ALPK2: variants seen among roughly 807,000 people sequenced by gnomAD.
ALPK2 encodes the protein alpha kinase 2.
Under a neutral mutation model 163.1 loss-of-function variants are expected in ALPK2, and 127 were observed. The observed-to-expected ratio is 0.78, with a 90% CI of 0.67 to 0.90. The LOEUF (loss-of-function observed/expected upper bound fraction) is 0.90. ALPK2 is among the 40% of genes least tolerant of loss of function. ALPK2 has a pLI of 0.00. For missense variants in ALPK2, 2,360 were observed against 2,589.6 expected (o/e 0.91, Z 1.92); for synonymous variants, 953 against 959.1 (o/e 0.99, Z 0.12).
intron 5 of ALPK2, 141 bp downstream of exon 5, chr18:58,534,693 G>T: frequency 9.0e-7 from 1 of 1,114,348 alleles, no homozygotes; most frequent in Non-Finnish European, 1.3e-6. Flanking sequence ...ACATGCTGAA[G>T]CCACTTGGCC....
At chr18:58,484,200 T>C (rs568366704) in intron 12 of ALPK2, among the ~76,000 whole-genome samples, 15 of 152,324 alleles carry the variant, frequency 9.8e-5, no homozygotes, top group African/African-American at 3.6e-4. Context: ...TATTTTTGTG[T>C]TGACCTGTAT....
chr18:58,505,016 T>C (rs1022220174), intron 10 of ALPK2, among the ~76,000 whole-genome samples: 2 of 152,098 alleles, frequency 1.3e-5, no homozygotes, highest in Admixed American at 6.5e-5. Flanking sequence ...AAGTCAGGCC[T>C]TGGGGGACCT....
At chr18:58,597,895 C>T (rs2052049043) in intron 3 of ALPK2, among the ~76,000 whole-genome samples, 1 of 152,222 alleles carries the variant, frequency 6.6e-6, no homozygotes, top group Admixed American at 6.5e-5. Context: ...AGAGAGCTTG[C>T]ACTCTCTCTC....
rs1568091183 is a variant in ALPK2, at chr18:58,578,756, A to ACACG, written c.1962+57_1962+58insCGTG. 4.0e-4 allele frequency: 501 copies of ACACG among 1,243,290 alleles called. 2 individuals carry two copies. In the African/African-American group the frequency reaches 7.5e-3, roughly 19 times the overall value. 77.0% of individuals were successfully genotyped at this position (1,243,290 alleles called of 1,614,324 possible). A position where few individuals can be genotyped will look rare whatever the true frequency, so the allele number is the denominator to read the frequency against. On this transcript the variant is annotated intron_variant, in intron 4 of 12. Transcript: ENST00000361673. ...GAGACACACACACACACACACACACACACACACACACACACGGTTCTTTTT... is the reference window on the plus strand; with the variant it reads ...GAGACACACACACACACACACACACACACGCACACACACACACACGGTTCTTTTT...
At chr18:58,518,552 A>G (rs530196352) in intron 8 of ALPK2, among the ~76,000 whole-genome samples, 197 of 152,320 alleles carry the variant, frequency 1.3e-3, no homozygotes, top group Middle Eastern at 3.4e-3. Context: ...GGTAATTAAG[A>G]AGAAGCAGAG....
intron 3 of ALPK2, among the ~76,000 whole-genome samples, chr18:58,604,538 G>C (rs1159834784): frequency 6.6e-6 from 1 of 152,110 alleles, no homozygotes; most frequent in Admixed American, 6.5e-5. Context: ...TGATACTAAC[G>C]GGCAGCTAGA....
intron 1 of ALPK2, among the ~76,000 whole-genome samples, chr18:58,614,700 A>C (rs1367741581): frequency 6.6e-6 from 1 of 151,650 alleles, no homozygotes; most frequent in Non-Finnish European, 1.5e-5. Flanking sequence ...TGGGGACTAG[A>C]GGCTTGAGCC....
At chr18:58,604,251 A>G (rs994878701) in intron 3 of ALPK2, among the ~76,000 whole-genome samples, 2 of 152,198 alleles carry the variant, frequency 1.3e-5, no homozygotes, top group African/African-American at 4.8e-5. Context: ...TTGGGCTATG[A>G]GCTAATCCAG....
chr18:58,520,004 G>A (rs970063924), intron 8 of ALPK2, among the ~76,000 whole-genome samples: 2 of 152,200 alleles, frequency 1.3e-5, no homozygotes, highest in African/African-American at 2.4e-5. Flanking sequence ...GGAAAAGCAC[G>A]AGTGTAGCAC....
chr18:58,547,913 TAGTC>T (rs755103521), intron 4 of ALPK2, among the ~76,000 whole-genome samples: 34 of 152,332 alleles, frequency 2.2e-4, no homozygotes, highest in African/African-American at 6.3e-4. Context: ...AATTAATTCT[TAGTC>T]AGGTTCTAGG....
At chr18:58,512,915 GTGTGA>G (rs2051499913) in intron 10 of ALPK2, among the ~76,000 whole-genome samples, 1 of 97,060 alleles carries the variant, frequency 1.0e-5, no homozygotes, top group African/African-American at 3.1e-5. Context: ...TGTGGTGTAT[GTGTGA>G]TGTGTGGGGT....
chr18:58,597,217 G>C (rs1251254653), intron 3 of ALPK2, among the ~76,000 whole-genome samples: 1 of 152,140 alleles, frequency 6.6e-6, no homozygotes, highest in South Asian at 2.1e-4. Context: ...TTGAACCTGG[G>C]AGGTGGAGGT....
At chr18:58,574,438 CAAAAA>C (rs34107333) in intron 4 of ALPK2, among the ~76,000 whole-genome samples, 2 of 49,418 alleles carry the variant, frequency 4.0e-5, no homozygotes, top group Admixed American at 4.7e-4. Context: ...GACTCCATCT[CAAAAA>C]AAAAAAAAAA....
At chr18:58,596,129 G>T (rs531769027) in intron 3 of ALPK2, among the ~76,000 whole-genome samples, 479 of 152,262 alleles carry the variant, frequency 3.1e-3, no homozygotes, top group African/African-American at 0.011. Context: ...AAAATGAATT[G>T]CTGGACCCAG....
At chr18:58,534,315 A>C (rs1353676569) in intron 5 of ALPK2, among the ~76,000 whole-genome samples, 1 of 152,182 alleles carries the variant, frequency 6.6e-6, no homozygotes, top group Non-Finnish European at 1.5e-5. Context: ...AGAAAAAACC[A>C]AGGTTCAAGG....
Position 58,579,181 on chromosome 18 carries a change from C to A in ALPK2, c.1595G>T (p.Arg532Met). The A allele has an allele frequency of 6.2e-7, 1 of 1,614,126 alleles. No individual in the cohort carries two copies. The highest frequency in any genetic ancestry group is 1.7e-5 in the Admixed American group (1 of 60,008). Residue 532 changes from arginine (R) to methionine (M), a missense_variant, in exon 4 of 13, where the codon AGG becomes ATG. By Grantham distance (91) the Arg-to-Met change is moderately conservative. Transcript: ENST00000361673. ...CGGCTGCCTCACCCTGGCAGATTTC[C>A]TTGAACCCCTCTTGCTCCATAAGTC... The part of the protein sequence containing the change: ...GKDLWSKRGS[R>M]KSARVRQPGM...
At chr18:58,542,440 C>T (rs569265946) in intron 4 of ALPK2, among the ~76,000 whole-genome samples, 6 of 152,226 alleles carry the variant, frequency 3.9e-5, no homozygotes, top group South Asian at 2.1e-4. Flanking sequence ...TCATCTGATC[C>T]GTAAAATAAA....
rs147868021 is a variant in ALPK2 at position 58,535,840 on chromosome 18, C to T, written c.4347G>A (p.Pro1449=). 8.7e-5 allele frequency: 140 copies of T among 1,614,192 alleles called. No individual in the cohort carries two copies. The African/African-American group carries it at 9.7e-4, about 11-fold the overall frequency. Residue 1449 remains proline (P), a synonymous_variant, in exon 5 of 13, where the codon CCG becomes CCA. Coordinates refer to ENST00000361673, the MANE Select transcript of ALPK2 (RefSeq NM_052947.4). ...GGAGACATGGAACTTGCAAAATGGC[C>T]GGCTGGATTTCCGCTTCGTGGCCCA... The part of the protein sequence containing the change: ...GNMGHEAEIQ[P]AILQVPCLQG...
At chr18:58,599,521 T>A (rs879502754) in intron 3 of ALPK2, among the ~76,000 whole-genome samples, 4 of 152,234 alleles carry the variant, frequency 2.6e-5, no homozygotes, top group Non-Finnish European at 5.9e-5. Flanking sequence ...TGCATTTCCA[T>A]CTTAGCCAAG....
Sources: allele counts gnomAD v4.1 joint callset (sites outside exome capture counted in the v4.1 genomes callset), GRCh38; gene constraint gnomAD v4.1.1; transcripts MANE v1.5; gene names NCBI Gene and HGNC (gene_info 2026-07-23, HGNC 2026-07-21).